Variants in SYTL1 observed in about 807,000 individuals in gnomAD.
SYTL1 encodes synaptotagmin-like protein 1.
A neutral mutation model predicts 74.6 loss-of-function variants in SYTL1; 53 were observed. The observed-to-expected ratio is 0.71, with a 90% confidence interval of 0.57 to 0.89. The LOEUF (loss-of-function observed/expected upper bound fraction) is 0.89. SYTL1 is among the 40% of genes least tolerant of loss of function. SYTL1 has a pLI of 0.00. For synonymous variants in SYTL1, 329 were observed against 324.9 expected (o/e 1.01, Z -0.14); for missense variants, 728 against 768.7 (o/e 0.95, Z 0.63).
chr1:27,349,732 C>CA lies in SYTL1; in HGVS notation c.715dup (p.Ser239LysfsTer8). ...CCTCTCTCGACCGCATGCTCAGCAG[C>CA]AGCTCCTCGGTGTCCAGCCTTAACT... On this transcript the variant is annotated frameshift_variant, in exon 8 of 15. Transcript: ENST00000616558. LOFTEE classifies it high-confidence loss of function. 1 of 1,608,802 alleles carries CA rather than the reference C, an allele frequency of 6.2e-7. No homozygotes were observed. The highest frequency in any genetic ancestry group is 8.5e-7 in the Non-Finnish European group (1 of 1,179,168).
chr1:27,345,601 C>A lies in SYTL1; in HGVS notation c.191+76C>A. On this transcript the variant is annotated intron_variant, in intron 2 of 14. Transcript: ENST00000616558. The surrounding 1 kb of genome is among the most constrained non-coding windows in gnomAD (Gnocchi z 6.0). ...CCCATCCTGCTCCCTACCGACACCA[C>A]TGCCTGTCAGATGTCTGCGTGGTTC... 9.8e-7 allele frequency: 1 copy of A among 1,022,416 alleles called. No individual in the cohort carries two copies. The highest frequency in any genetic ancestry group is 1.4e-6 in the Non-Finnish European group (1 of 710,014). The allele number at this position is 1,022,416 out of a possible 1,614,324, so 63.3% of individuals were successfully genotyped here.
chr1:27,348,970 C>G lies in SYTL1; in HGVS notation c.460-110C>G. On this transcript the variant is annotated intron_variant, in intron 5 of 14. Transcript: ENST00000616558. The surrounding 1 kb of genome is among the most constrained non-coding windows in gnomAD (Gnocchi z 4.1). ...CCCTGCCCGGAGGGCTGCCCTAAAC[C>G]TGAAACTGGGGTAGCTGGCTGGAGC... The G allele has an allele frequency of 1.1e-6, 1 of 882,524 alleles. No homozygotes were observed. The highest frequency in any genetic ancestry group is 1.8e-6 in the Non-Finnish European group (1 of 565,812). The allele number at this position is 882,524 out of a possible 1,614,324, so 54.7% of individuals were successfully genotyped here.
rs540312341 is a variant in SYTL1, at chr1:27,349,657, G to C, written c.639G>C (p.Lys213Asn). Residue 213 changes from lysine (K) to asparagine (N), a missense_variant, in exon 8 of 15, where the codon AAG becomes AAC. By Grantham distance (94) the Lys-to-Asn change is moderately conservative. Coordinates refer to ENST00000616558, the MANE Select transcript of SYTL1 (RefSeq NM_001193308.2). ...GTCACTTGCCCCCTCTGCAGACCAA[G>C]GCCGCGTCCCAGATCCTGGAGAATG... ...QEPRPQQAQTKAASQILENGE... is the reference protein window; with the variant it reads ...QEPRPQQAQTNAASQILENGE... 8 of 1,607,772 alleles carry C rather than the reference G, an allele frequency of 5.0e-6. No homozygotes were observed. The East Asian group carries it at 1.8e-4, about 36-fold the overall frequency.
Position 27,345,092 on chromosome 1 carries a change from G to C in SYTL1, c.-38-205G>C. 2.8e-6 allele frequency: 1 copy of C among 363,536 alleles called. No homozygotes were observed. 22.5% of individuals were successfully genotyped at this position (363,536 alleles called of 1,614,324 possible). A position where few individuals can be genotyped will look rare whatever the true frequency, so the allele number is the denominator to read the frequency against. ...CAGGGTGTGTGCATGTGTGTCTCTT[G>C]CTTCTTCCACTGTGTCTCCAAGTGT... On this transcript the variant is annotated intron_variant, in intron 1 of 14. Coordinates refer to ENST00000616558, the MANE Select transcript of SYTL1 (RefSeq NM_001193308.2). This position sits in a 1 kb window ranked among gnomAD's most constrained non-coding sequence, Gnocchi z 6.0.
Position 27,351,585 on chromosome 1 carries a change from A to G in SYTL1, c.1343+30A>G, listed in dbSNP as rs982651471. On this transcript the variant is annotated intron_variant, in intron 13 of 14. Coordinates refer to ENST00000616558, the MANE Select transcript of SYTL1 (RefSeq NM_001193308.2). The surrounding 1 kb of genome is among the most constrained non-coding windows in gnomAD (Gnocchi z 5.0). ...GGAGTGCTGGCCCTCCGGGCTTCCC[A>G]TTCTTTTGCCTGCAGTGGAGTGCCC... The G allele has an allele frequency of 1.1e-5, 16 of 1,431,124 alleles. No individual in the cohort carries two copies. The highest frequency in any genetic ancestry group is 4.3e-5 in the African/African-American group (3 of 69,464). 88.7% of individuals were successfully genotyped at this position (1,431,124 alleles called of 1,614,324 possible). A position where few individuals can be genotyped will look rare whatever the true frequency, so the allele number is the denominator to read the frequency against.
chr1:27,351,182 T>A lies in SYTL1; in HGVS notation c.1165-76T>A. 1 of 1,487,230 alleles carries A rather than the reference T, an allele frequency of 6.7e-7. No individual in the cohort carries two copies. Among genetic ancestry groups the A allele is most frequent in the Non-Finnish European group, 9.1e-7 (1 of 1,095,746 alleles). The allele number at this position is 1,487,230 out of a possible 1,614,324, so 92.1% of individuals were successfully genotyped here. A position where few individuals can be genotyped will look rare whatever the true frequency, so the allele number is the denominator to read the frequency against. ...CGCCGTCTCTTCTAGCCGCACCCCATCCGGGTCTGCAGACCCCACCCTCCT... is the reference window on the plus strand; with the variant it reads ...CGCCGTCTCTTCTAGCCGCACCCCAACCGGGTCTGCAGACCCCACCCTCCT... On this transcript the variant is annotated intron_variant, in intron 11 of 14. Coordinates refer to ENST00000616558, the MANE Select transcript of SYTL1 (RefSeq NM_001193308.2). This position sits in a 1 kb window ranked among gnomAD's most constrained non-coding sequence, Gnocchi z 5.0.
Position 27,351,006 on chromosome 1 carries a change from C to A in SYTL1, c.1164+54C>A. Reference sequence around the variant, plus strand: ...CTGCGGCCCGGGTCTCCTGCATTTACCCCACCAGGCTCTCCCGCAGCCCCC... The same window carrying A: ...CTGCGGCCCGGGTCTCCTGCATTTAACCCACCAGGCTCTCCCGCAGCCCCC... On this transcript the variant is annotated intron_variant, in intron 11 of 14. Transcript: ENST00000616558. The surrounding 1 kb of genome is among the most constrained non-coding windows in gnomAD (Gnocchi z 5.0). The A allele has an allele frequency of 6.3e-7, 1 of 1,593,796 alleles. No homozygotes were observed. Among genetic ancestry groups the A allele is most frequent in the Admixed American group, 1.7e-5 (1 of 59,352 alleles).
intron 14 of SYTL1, 78 bp from the exon 15 acceptor site, chr1:27,353,635 C>T: frequency 7.0e-6 from 11 of 1,571,944 alleles, no homozygotes; most frequent in Non-Finnish European, 9.5e-6. Flanking sequence ...AGTGCATAAT[C>T]TGGGACCAGG....
In SYTL1 at chr1:27,350,416, T is replaced by G; in HGVS notation, c.936T>G (p.Asp312Glu). The G allele has an allele frequency of 6.2e-7, 1 of 1,614,114 alleles. No individual in the cohort carries two copies. Among genetic ancestry groups the G allele is most frequent in the African/African-American group, 1.3e-5 (1 of 75,050 alleles). Residue 312 changes from aspartate to glutamate, a missense_variant, in exon 10 of 15, where the codon GAT becomes GAG. Transcript: ENST00000616558. This position sits in a 1 kb window ranked among gnomAD's most constrained non-coding sequence, Gnocchi z 6.3. The stretch of plus-strand genomic sequence containing the variant: ...ACGTCAAAAGCTACCTCCTCCCGGA[T>G]AAGCAGAGCAAGCGCAAGACGGCGG... ...DPYVKSYLLP[D>E]KQSKRKTAVK...
rs1486463430 is a variant in SYTL1, at chr1:27,351,560, G to A, written c.1343+5G>A. On this transcript the variant is annotated splice_donor_5th_base_variant and intron_variant, in intron 13 of 14. Transcript: ENST00000616558. The surrounding 1 kb of genome is among the most constrained non-coding windows in gnomAD (Gnocchi z 5.0). ...CCTGGACACTTACGTACAATGGTGA[G>A]GAGTGCTGGCCCTCCGGGCTTCCCA... 6.6e-7 allele frequency: 1 copy of A among 1,525,296 alleles called. No individual in the cohort carries two copies. The highest frequency in any genetic ancestry group is 1.2e-5 in the South Asian group (1 of 81,734). The allele number at this position is 1,525,296 out of a possible 1,614,324, so 94.5% of individuals were successfully genotyped here.
In SYTL1 at chr1:27,350,979, A is replaced by T. The variant is rs759633623; in HGVS notation, c.1164+27A>T. The stretch of plus-strand genomic sequence containing the variant: ...TGAGGCAGCCAGGCCGCGTGGGGAG[A>T]CCTGCGGCCCGGGTCTCCTGCATTT... On this transcript the variant is annotated intron_variant, in intron 11 of 14. Coordinates refer to ENST00000616558, the MANE Select transcript of SYTL1 (RefSeq NM_001193308.2). This position sits in a 1 kb window ranked among gnomAD's most constrained non-coding sequence, Gnocchi z 6.3. 16 of 1,610,694 alleles carry T rather than the reference A, an allele frequency of 9.9e-6. No individual in the cohort carries two copies. Among genetic ancestry groups the T allele is most frequent in the Middle Eastern group, 1.7e-4 (1 of 5,996 alleles).
Position 27,347,709 on chromosome 1 carries a change from C to T in SYTL1, c.341-99C>T, listed in dbSNP as rs1194502641. 1.3e-5 allele frequency: 10 copies of T among 767,136 alleles called. No homozygotes were observed. Among genetic ancestry groups the T allele is most frequent in the Admixed American group, 2.3e-5 (1 of 44,338 alleles). The allele number at this position is 767,136 out of a possible 1,614,324, so 47.5% of individuals were successfully genotyped here. A position where few individuals can be genotyped will look rare whatever the true frequency, so the allele number is the denominator to read the frequency against. On this transcript the variant is annotated intron_variant, in intron 3 of 14. Coordinates refer to ENST00000616558, the MANE Select transcript of SYTL1 (RefSeq NM_001193308.2). The surrounding 1 kb of genome is among the most constrained non-coding windows in gnomAD (Gnocchi z 4.9). Reference sequence around the variant, plus strand: ...TGTCTTTCAGTGGGCAATGCCCCTCCGTGGGCATGGGGTGGGTGGGTATCT... The same window carrying T: ...TGTCTTTCAGTGGGCAATGCCCCTCTGTGGGCATGGGGTGGGTGGGTATCT...
chr1:27,348,089 G>T lies in SYTL1; in HGVS notation c.459+77G>T, dbSNP rs2015081966. On this transcript the variant is annotated intron_variant, in intron 5 of 14. Transcript: ENST00000616558. The surrounding 1 kb of genome is among the most constrained non-coding windows in gnomAD (Gnocchi z 4.1). ...ATGTGCAGGGGGCAGGGGGGAAAGA[G>T]CCCCAGCCTGGGAATGGGGAGACCC... 2 of 1,435,998 alleles carry T rather than the reference G, an allele frequency of 1.4e-6. No homozygotes were observed. Among genetic ancestry groups the T allele is most frequent in the African/African-American group, 1.4e-5 (1 of 71,582 alleles). 89.0% of individuals were successfully genotyped at this position (1,435,998 alleles called of 1,614,324 possible). A position where few individuals can be genotyped will look rare whatever the true frequency, so the allele number is the denominator to read the frequency against.
chr1:27,351,221 A>T lies in SYTL1; in HGVS notation c.1165-37A>T. The stretch of plus-strand genomic sequence containing the variant: ...CCCCACCCTCCTGAGGCCCCTTTCC[A>T]TTAGCCCCTGCTCCACGATAAGCCC... On this transcript the variant is annotated intron_variant, in intron 11 of 14. Coordinates refer to ENST00000616558, the MANE Select transcript of SYTL1 (RefSeq NM_001193308.2). This position sits in a 1 kb window ranked among gnomAD's most constrained non-coding sequence, Gnocchi z 5.0. 6.5e-7 allele frequency: 1 copy of T among 1,547,712 alleles called. No individual in the cohort carries two copies.
In SYTL1 at chr1:27,353,732, G is replaced by T; in HGVS notation, c.1569G>T (p.Gln523His). The change falls in exon 15 of 15, where the codon CAG (glutamine) becomes CAT (histidine). Residue 523 changes from glutamine (Q) to histidine (H), a missense_variant. By Grantham distance (24) the Gln-to-His change is conservative. Transcript: ENST00000616558. ...SLGTGSSYGL[Q>H]VPWMDSTPEE... The stretch of plus-strand genomic sequence containing the variant: ...ATCCAGGCAGCAGCTATGGGCTGCA[G>T]GTGCCCTGGATGGATTCCACACCTG... 1 of 1,613,884 alleles carries T rather than the reference G, an allele frequency of 6.2e-7. No individual in the cohort carries two copies. The highest frequency in any genetic ancestry group is 8.5e-7 in the Non-Finnish European group (1 of 1,179,932).
rs2014956351 is a variant in SYTL1, at chr1:27,345,426, T to G, written c.92T>G (p.Leu31Arg). The change falls in exon 2 of 15, where the codon CTG becomes CGG. Residue 31 changes from leucine (L) to arginine (R), a missense_variant. Transcript: ENST00000616558. This position sits in a 1 kb window ranked among gnomAD's most constrained non-coding sequence, Gnocchi z 6.0. ...GGGCCAAAGCCTGAGACTGAAGGAC[T>G]GTTGGACCTCAGCTTCCTGACAGAG... The part of the protein sequence containing the change: ...AHGPKPETEG[L>R]LDLSFLTEEE... The G allele has an allele frequency of 1.3e-6, 2 of 1,562,836 alleles. No individual in the cohort carries two copies. Among genetic ancestry groups the G allele is most frequent in the Non-Finnish European group, 1.7e-6 (2 of 1,152,604 alleles).
rs991932905 is a variant in SYTL1, at chr1:27,343,650, G to C, written c.-39+1500G>C. Among the ~76,000 whole-genome samples, 1 of 152,090 alleles carries C rather than the reference G, an allele frequency of 6.6e-6. No individual in the cohort carries two copies. Among genetic ancestry groups the C allele is most frequent in the African/African-American group, 2.4e-5 (1 of 41,416 alleles). Reference sequence around the variant, plus strand: ...TCTGTCTAGGTGGGTGGTTGTATGTGTGCATTCCCATGTGTGTGCAGGCAT... The same window carrying C: ...TCTGTCTAGGTGGGTGGTTGTATGTCTGCATTCCCATGTGTGTGCAGGCAT... On this transcript the variant is annotated intron_variant, in intron 1 of 14. Transcript: ENST00000616558. The surrounding 1 kb of genome is among the most constrained non-coding windows in gnomAD (Gnocchi z 5.2).
At position 27,350,436 on chromosome 1, in the gene SYTL1, C is replaced by T. The variant is rs1571043459; in HGVS notation, c.956C>T (p.Thr319Met). ...LLPDKQSKRK[T>M]AVKKRNLNPV... The stretch of plus-strand genomic sequence containing the variant: ...CCGGATAAGCAGAGCAAGCGCAAGA[C>T]GGCGGTGAAGAAACGGAATCTGAAT... Residue 319 changes from threonine to methionine, a missense_variant, in exon 10 of 15, where the codon ACG becomes ATG. Physicochemically the swap from Thr to Met is moderately conservative, Grantham distance 81 (BLOSUM62 -1). Transcript: ENST00000616558. This position sits in a 1 kb window ranked among gnomAD's most constrained non-coding sequence, Gnocchi z 6.3. 1 of 1,614,084 alleles carries T rather than the reference C, an allele frequency of 6.2e-7. No individual in the cohort carries two copies.
Position 27,347,537 on chromosome 1 carries a change from G to T in SYTL1, c.308G>T (p.Arg103Leu). ...HNAHFGSDLV[R>L]ASMRRKKSTR... ...GCCCACTTCGGCTCTGACCTTGTCCGAGCGTCTATGCGCAGGAAGAAGAGC... is the reference window on the plus strand; with the variant it reads ...GCCCACTTCGGCTCTGACCTTGTCCTAGCGTCTATGCGCAGGAAGAAGAGC... Residue 103 changes from arginine (R) to leucine (L), a missense_variant, in exon 3 of 15, where the codon CGA becomes CTA. Physicochemically the swap from Arg to Leu is moderately radical, Grantham distance 102. Coordinates refer to ENST00000616558, the MANE Select transcript of SYTL1 (RefSeq NM_001193308.2). The surrounding 1 kb of genome is among the most constrained non-coding windows in gnomAD (Gnocchi z 4.9). The T allele has an allele frequency of 6.2e-7, 1 of 1,614,074 alleles. No individual in the cohort carries two copies. Among genetic ancestry groups the T allele is most frequent in the Non-Finnish European group, 8.5e-7 (1 of 1,180,038 alleles).
Sources: allele counts gnomAD v4.1 joint callset (sites outside exome capture counted in the v4.1 genomes callset), GRCh38; gene constraint gnomAD v4.1.1; non-coding constraint Gnocchi (gnomAD v3.1); transcripts MANE v1.5; gene names NCBI Gene and HGNC (gene_info 2026-07-23, HGNC 2026-07-21).